RERE: variants seen among roughly 807,000 people sequenced by gnomAD.
RERE encodes the protein arginine-glutamic acid dipeptide repeats.
A neutral mutation model predicts 146.1 loss-of-function variants in RERE; 40 were observed. The observed-to-expected ratio is 0.27, with a 90% CI of 0.21 to 0.36. The LOEUF (loss-of-function observed/expected upper bound fraction) is 0.36. Among genes scored for constraint, RERE ranks in the 10% least tolerant of loss-of-function variants. The pLI is 1.00. For missense variants in RERE, 1,933 were observed against 2,138.7 expected, an observed-to-expected ratio of 0.90 and a Z score of 1.90; for synonymous variants, 1,003 against 866.0, an observed-to-expected ratio of 1.16 and a Z score of -2.78.
chr1:8,755,955 A>G (rs1390248307), intron 1 of RERE, among the ~76,000 whole-genome samples: 1 of 152,248 alleles, frequency 6.6e-6, no homozygotes, highest in South Asian at 2.1e-4. Flanking sequence ...TCTACAGCAT[A>G]CTACCACAAC....
chr1:8,483,935 A>C (rs1347085501), intron 10 of RERE, among the ~76,000 whole-genome samples: 2 of 152,244 alleles, frequency 1.3e-5, no homozygotes, highest in African/African-American at 4.8e-5. Flanking sequence ...TTACTTACAC[A>C]CAGTGAATAT....
chr1:8,549,234 G>T (rs779092012), intron 6 of RERE, among the ~76,000 whole-genome samples: 1 of 152,064 alleles, frequency 6.6e-6, no homozygotes, highest in Non-Finnish European at 1.5e-5. Context: ...TAATTCCAGC[G>T]CTGGAAGTTA....
At chr1:8,362,901 A>C in intron 15 of RERE, 57 bp from the exon 16 acceptor site, 1 of 1,561,458 alleles carries the variant, frequency 6.4e-7, no homozygotes, top group Non-Finnish European at 8.7e-7. Context: ...ATGTGGACCC[A>C]CCTGAGCCCA....
chr1:8,670,904 C>T (rs568187113), intron 1 of RERE, among the ~76,000 whole-genome samples: 2 of 152,238 alleles, frequency 1.3e-5, no homozygotes, highest in East Asian at 1.9e-4. Context: ...CAGGCAAGGT[C>T]GTAGCAGTGA....
At chr1:8,750,213 T>C in intron 1 of RERE, among the ~76,000 whole-genome samples, 1 of 149,922 alleles carries the variant, frequency 6.7e-6, no homozygotes, top group Non-Finnish European at 1.5e-5. Context: ...GGAGAGGAAT[T>C]AGGAGACTGT....
intron 4 of RERE, among the ~76,000 whole-genome samples, chr1:8,607,874 C>T (rs549759630): frequency 9.9e-5 from 15 of 151,752 alleles, no homozygotes; most frequent in East Asian, 1.9e-4. Context: ...TACAGGCGCC[C>T]GCCACCACGC....
intron 2 of RERE, among the ~76,000 whole-genome samples, chr1:8,642,764 T>C (rs1281517241): frequency 6.6e-6 from 1 of 152,190 alleles, no homozygotes; most frequent in Non-Finnish European, 1.5e-5. Context: ...GTAAACCTTC[T>C]GGACAGTCAT....
chr1:8,696,341 G>A (rs1380568148), intron 1 of RERE, among the ~76,000 whole-genome samples: 2 of 152,170 alleles, frequency 1.3e-5, no homozygotes, highest in African/African-American at 4.8e-5. Context: ...GGCTGGGTAC[G>A]GTAGCTCGCG....
chr1:8,356,713 G>A lies in RERE; in HGVS notation c.4340-467C>T, dbSNP rs554656604. Among the ~76,000 whole-genome samples, 50 of 152,266 alleles carry A rather than the reference G, an allele frequency of 3.3e-4. No individual in the cohort carries two copies. The highest frequency in any genetic ancestry group is 2.7e-3 in the Admixed American group (41 of 15,304). On this transcript the variant is annotated intron_variant, in intron 20 of 22. Coordinates refer to ENST00000400908, the MANE Select transcript of RERE (RefSeq NM_001042681.2). This position sits in a 1 kb window ranked among gnomAD's most constrained non-coding sequence, Gnocchi z 5.2. The stretch of plus-strand genomic sequence containing the variant: ...CCAGCAGAGTGGGTGGCGCAGAATG[G>A]GGACCTGGCACAGCACTGCCCTCTC...
At chr1:8,796,846 G>A (rs1411072254) in intron 1 of RERE, among the ~76,000 whole-genome samples, 6 of 152,066 alleles carry the variant, frequency 3.9e-5, no homozygotes, top group African/African-American at 1.4e-4. Flanking sequence ...ATATATAAAA[G>A]CAAAAGGAAG....
intron 4 of RERE, among the ~76,000 whole-genome samples, chr1:8,604,879 A>C (rs1356489627): frequency 6.6e-6 from 1 of 152,176 alleles, no homozygotes; most frequent in Non-Finnish European, 1.5e-5. Context: ...TCTGTGCTAA[A>C]CTTTTGTAAG....
At chr1:8,599,338 T>A (rs1316012441) in intron 4 of RERE, among the ~76,000 whole-genome samples, 1 of 152,182 alleles carries the variant, frequency 6.6e-6, no homozygotes, top group African/African-American at 2.4e-5. Flanking sequence ...ACTTCCTTCA[T>A]ACGGGAAAAA....
chr1:8,470,812 CCT>C (rs1644673334), intron 10 of RERE, among the ~76,000 whole-genome samples: 2 of 56,898 alleles, frequency 3.5e-5, no homozygotes, highest in Non-Finnish European at 6.7e-5. Flanking sequence ...TAAAGAAATA[CCT>C]TTTTTTTTTT....
At chr1:8,568,841 A>G (rs1248157156) in intron 4 of RERE, among the ~76,000 whole-genome samples, 1 of 152,176 alleles carries the variant, frequency 6.6e-6, no homozygotes, top group Non-Finnish European at 1.5e-5. Context: ...CTGTCTGTCT[A>G]TCCATCTGTC....
intron 1 of RERE, among the ~76,000 whole-genome samples, chr1:8,764,313 T>C (rs1317884602): frequency 6.6e-6 from 1 of 152,118 alleles, no homozygotes; most frequent in Non-Finnish European, 1.5e-5. Flanking sequence ...CCCAGCCAGG[T>C]GCCTTAGTGC....
chr1:8,609,931 G>C (rs1288530186), intron 4 of RERE, among the ~76,000 whole-genome samples: 1 of 151,982 alleles, frequency 6.6e-6, no homozygotes, highest in Non-Finnish European at 1.5e-5. Flanking sequence ...ACCACACCCA[G>C]ATAATTTTTC....
chr1:8,596,672 C>CTTTTT (rs3082096), intron 4 of RERE, among the ~76,000 whole-genome samples: 4 of 137,808 alleles, frequency 2.9e-5, no homozygotes, highest in African/African-American at 5.4e-5. Flanking sequence ...CCATGTCTGG[C>CTTTTT]TTTTTTTTTT....
At chr1:8,376,075 G>GT (rs1642236958) in intron 12 of RERE, among the ~76,000 whole-genome samples, 1 of 152,226 alleles carries the variant, frequency 6.6e-6, no homozygotes, top group Non-Finnish European at 1.5e-5. Flanking sequence ...TTTCAATGAA[G>GT]TCTAACGCCC....
At chr1:8,511,963 C>T (rs1426165878) in intron 7 of RERE, 3 of 141,886 alleles carry the variant, frequency 2.1e-5, no homozygotes, top group Non-Finnish European at 4.6e-5. Flanking sequence ...TCACACCTCA[C>T]TCATTAATGA....
Sources: allele counts gnomAD v4.1 joint callset (sites outside exome capture counted in the v4.1 genomes callset), GRCh38; gene constraint gnomAD v4.1.1; non-coding constraint Gnocchi (gnomAD v3.1); transcripts MANE v1.5; gene names NCBI Gene and HGNC (gene_info 2026-07-23, HGNC 2026-07-21).